Variants in PPP3CA observed in about 807,000 individuals in gnomAD.
PPP3CA encodes CAM-PRP catalytic subunit.
In PPP3CA, 14 loss-of-function variants were observed where a neutral mutation model predicts 66.5. That is an observed-to-expected ratio of 0.21 (90% CI 0.14 to 0.33). PPP3CA has a LOEUF of 0.33. Among genes scored for constraint, PPP3CA ranks in the 10% least tolerant of loss-of-function variants. The pLI is 1.00. For missense variants in PPP3CA, 317 were observed against 639.5 expected (o/e 0.50, Z 5.44); for synonymous variants, 232 against 226.2 (o/e 1.03, Z -0.23).
chr4:101,055,978 G>A (rs1400065990), intron 10 of PPP3CA, among the ~76,000 whole-genome samples: 2 of 151,568 alleles, frequency 1.3e-5, no homozygotes, highest in African/African-American at 4.8e-5. Context: ...ACAAATTAAA[G>A]CATATTATAT....
At position 101,176,414 on chromosome 4, in the gene PPP3CA, C is replaced by G. The variant is rs138702158; in HGVS notation, c.259+19502G>C. On this transcript the variant is annotated intron_variant, in intron 2 of 13. Transcript: ENST00000394854. ...AAATAGATGACAAACAAAGAAGGGTCGGGGGACCTGGTGCAGAGAATCCAC... is the reference window on the plus strand; with the variant it reads ...AAATAGATGACAAACAAAGAAGGGTGGGGGGACCTGGTGCAGAGAATCCAC... 8.5e-5 allele frequency among the ~76,000 whole-genome samples: 13 copies of G among 152,220 alleles called. No individual in the cohort carries two copies. The East Asian group carries it at 2.5e-3, about 29-fold the overall frequency.
intron 8 of PPP3CA, among the ~76,000 whole-genome samples, chr4:101,072,416 G>C (rs1359027157): frequency 2.6e-5 from 4 of 151,940 alleles, no homozygotes; most frequent in Non-Finnish European, 1.5e-5. Context: ...GGGCTCTGCA[G>C]TCAGTCAGCT....
chr4:101,196,115 A>G lies in PPP3CA; in HGVS notation c.60T>C (p.Ala20=). Residue 20 remains alanine, a splice_region_variant and synonymous_variant, in exon 2 of 14, where the codon GCT becomes GCC. Transcript: ENST00000394854. Reference sequence around the variant, plus strand: ...GCCGGTGACTTGGAGGAAATGGAACAGCTGAAAGAAGAAAGGTCTAATTAT... The same window carrying G: ...GCCGGTGACTTGGAGGAAATGGAACGGCTGAAAGAAGAAAGGTCTAATTAT... ...KLSTTDRVVK[A]VPFPPSHRLT... The G allele has an allele frequency of 6.2e-7, 1 of 1,613,512 alleles. No individual in the cohort carries two copies. The highest frequency in any genetic ancestry group is 8.5e-7 in the Non-Finnish European group (1 of 1,179,800).
At chr4:101,066,220 T>G (rs1728675140) in intron 8 of PPP3CA, among the ~76,000 whole-genome samples, 1 of 152,090 alleles carries the variant, frequency 6.6e-6, no homozygotes, top group African/African-American at 2.4e-5. Context: ...GTCTATCAAG[T>G]TTTGGACACA....
At chr4:101,324,974 C>T (rs1001919311) in intron 1 of PPP3CA, among the ~76,000 whole-genome samples, 2 of 152,152 alleles carry the variant, frequency 1.3e-5, no homozygotes, top group African/African-American at 4.8e-5. Context: ...AAAACTAGTG[C>T]ATGTTAAAGC....
Position 101,074,527 on chromosome 4 carries a change from C to T in PPP3CA, c.955+6005G>A, listed in dbSNP as rs181849677. On this transcript the variant is annotated intron_variant, in intron 8 of 13. Transcript: ENST00000394854. ...TCAGGAGACCAAGTCAAGCTGGCATCGGATATGTTACATCTGCTCCTTTCT... is the reference window on the plus strand; with the variant it reads ...TCAGGAGACCAAGTCAAGCTGGCATTGGATATGTTACATCTGCTCCTTTCT... Among the ~76,000 whole-genome samples, 152 of 152,272 alleles carry T rather than the reference C, an allele frequency of 1.0e-3. 1 individual carries two copies. In the East Asian group the frequency reaches 0.023, roughly 23 times the overall value.
intron 1 of PPP3CA, among the ~76,000 whole-genome samples, chr4:101,226,802 C>T (rs1361305088): frequency 6.6e-6 from 1 of 151,572 alleles, no homozygotes; most frequent in Non-Finnish European, 1.5e-5. Flanking sequence ...GAACATGATT[C>T]ATTCACCTCT....
At chr4:101,031,354 A>AT (rs1174033879) in intron 12 of PPP3CA, among the ~76,000 whole-genome samples, 3 of 152,080 alleles carry the variant, frequency 2.0e-5, no homozygotes, top group African/African-American at 7.2e-5. Context: ...TTTCATTTTA[A>AT]TTTTTTTCTG....
chr4:101,085,833 TATACACAC>T (rs143124657), intron 6 of PPP3CA, among the ~76,000 whole-genome samples: 5 of 142,642 alleles, frequency 3.5e-5, no homozygotes, highest in African/African-American at 5.5e-5. Flanking sequence ...GCACTGCGTA[TATACACAC>T]ACACACACAC....
intron 2 of PPP3CA, among the ~76,000 whole-genome samples, chr4:101,158,498 G>C (rs1306617783): frequency 6.6e-6 from 1 of 152,000 alleles, no homozygotes; most frequent in East Asian, 1.9e-4. Flanking sequence ...GAGTTAAGGG[G>C]GCTCTCCTTT....
intron 10 of PPP3CA, among the ~76,000 whole-genome samples, chr4:101,048,562 T>C (rs2110216229): frequency 7.1e-6 from 1 of 141,796 alleles, no homozygotes; most frequent in Middle Eastern, 3.6e-3. Context: ...TATAAGTTAC[T>C]ATTTTGGGCA....
At chr4:101,239,148 T>C (rs1726221125) in intron 1 of PPP3CA, among the ~76,000 whole-genome samples, 2 of 152,124 alleles carry the variant, frequency 1.3e-5, no homozygotes, top group Non-Finnish European at 2.9e-5. Flanking sequence ...AATATGTAAC[T>C]TAGAGTGTTC....
chr4:101,154,965 T>C (rs893703564), intron 2 of PPP3CA, among the ~76,000 whole-genome samples: 5 of 151,884 alleles, frequency 3.3e-5, no homozygotes, highest in Non-Finnish European at 5.9e-5. Context: ...TACAGGTGCC[T>C]GCCACCACAC....
At chr4:101,336,695 T>C (rs1729645089) in intron 1 of PPP3CA, among the ~76,000 whole-genome samples, 1 of 151,976 alleles carries the variant, frequency 6.6e-6, no homozygotes. Flanking sequence ...AAGTAATATA[T>C]ATTCAAAGCA....
At chr4:101,300,892 T>G (rs907916403) in intron 1 of PPP3CA, among the ~76,000 whole-genome samples, 15 of 151,978 alleles carry the variant, frequency 9.9e-5, no homozygotes, top group Admixed American at 9.8e-4. Flanking sequence ...CTGAGTTCTC[T>G]CCATACAAAA....
At position 101,278,122 on chromosome 4, in the gene PPP3CA, T is replaced by TAAAAAAAAAAAAAAAAAAAAAA. The variant is rs3077992; in HGVS notation, c.58+68616_58+68617insTTTTTTTTTTTTTTTTTTTTTT. Among the ~76,000 whole-genome samples the TAAAAAAAAAAAAAAAAAAAAAA allele has an allele frequency of 1.4e-3, 153 of 112,068 alleles. 4 individuals are homozygous for TAAAAAAAAAAAAAAAAAAAAAA. Among genetic ancestry groups the TAAAAAAAAAAAAAAAAAAAAAA allele is most frequent in the African/African-American group, 6.2e-3 (140 of 22,582 alleles). The allele number at this position is 112,068 out of a possible 152,430, so 73.5% of individuals were successfully genotyped here. On this transcript the variant is annotated intron_variant, in intron 1 of 13. Transcript: ENST00000394854. ...AAAATGAAACTTTAAAAGCTATTAG[T>TAAAAAAAAAAAAAAAAAAAAAA]AAAAAAAAAAAAAAAAATAAAAAAA... is the stretch of plus-strand genomic sequence containing the variant.
At chr4:101,116,747 G>A (rs529366935) in intron 2 of PPP3CA, among the ~76,000 whole-genome samples, 261 of 151,834 alleles carry the variant, frequency 1.7e-3, no homozygotes, top group South Asian at 3.5e-3. Context: ...AAATAACATC[G>A]TTCTAATTTA....
At position 101,257,330 on chromosome 4, in the gene PPP3CA, C is replaced by CTT. The variant is rs11314056; in HGVS notation, c.59-61216_59-61215dup. On this transcript the variant is annotated intron_variant, in intron 1 of 13. Transcript: ENST00000394854. ...GAGGTCTCCATCTACATGTATGAGA[C>CTT]TTTTTTTTTTTTTTTCAGAATTCCA... Among the ~76,000 whole-genome samples the CTT allele has an allele frequency of 6.8e-3, 945 of 138,620 alleles. 7 individuals carry two copies. The highest frequency in any genetic ancestry group is 0.024 in the African/African-American group (900 of 38,134). The allele number at this position is 138,620 out of a possible 152,430, so 90.9% of individuals were successfully genotyped here. A position where few individuals can be genotyped will look rare whatever the true frequency, so the allele number is the denominator to read the frequency against.
At chr4:101,305,635 T>C (rs112919385) in intron 1 of PPP3CA, among the ~76,000 whole-genome samples, 3 of 152,226 alleles carry the variant, frequency 2.0e-5, no homozygotes, top group Non-Finnish European at 4.4e-5. Context: ...CCATTTTTTA[T>C]ATAAAGGTAA....
Sources: gnomAD v4.1 joint callset for allele counts (sites outside exome capture counted in the v4.1 genomes callset) on GRCh38, gnomAD v4.1.1 for gene constraint, MANE v1.5 for transcripts, NCBI Gene and HGNC (gene_info 2026-07-23, HGNC 2026-07-21) for gene names.